ASTN2: variants seen among roughly 807,000 people sequenced by gnomAD.
ASTN2 encodes astrotactin 2, also known as astrotactin-2.
In ASTN2, 54 loss-of-function variants were observed where a neutral mutation model predicts 139.8. The observed-to-expected ratio is 0.39, with a 90% CI of 0.31 to 0.48. The LOEUF is 0.48. Ranked by LOEUF, ASTN2 falls within the 20% of genes least tolerant of loss-of-function variation. The probability of loss-of-function intolerance (pLI) is 0.95; values close to 1 mark genes in which losing one functional copy is unlikely to be tolerated. For synonymous variants in ASTN2, 756 were observed against 719.5 expected, an observed-to-expected ratio of 1.05 and a Z score of -0.81; for missense variants, 1,565 against 1,725.1, an observed-to-expected ratio of 0.91 and a Z score of 1.64.
intron 16 of ASTN2, among the ~76,000 whole-genome samples, chr9:116,712,316 C>T (rs1462361689): frequency 6.6e-6 from 1 of 152,158 alleles, no homozygotes; most frequent in Non-Finnish European, 1.5e-5. Context: ...GTGTTCATGC[C>T]ACACTTTATA....
At chr9:116,979,353 A>C (rs549321136) in intron 7 of ASTN2, among the ~76,000 whole-genome samples, 98 of 152,224 alleles carry the variant, frequency 6.4e-4, no homozygotes, top group Non-Finnish European at 1.2e-3. Context: ...ACAGGTAGGA[A>C]TGCTCTCTGT....
At chr9:117,240,241 A>T (rs960678944) in intron 2 of ASTN2, among the ~76,000 whole-genome samples, 1 of 152,188 alleles carries the variant, frequency 6.6e-6, no homozygotes, top group Non-Finnish European at 1.5e-5. Context: ...TTGGGATACC[A>T]TGTTCCTTGT....
In ASTN2 at chr9:116,474,157, G is replaced by A. The variant is rs950804054; in HGVS notation, c.3497+13202C>T. ...TAGTCTGACTCAAGACCCCATGCTC[G>A]TAGACTCTCAGATACCCAAGAGGAT... On this transcript the variant is annotated intron_variant, in intron 20 of 22. Coordinates refer to ENST00000313400, the MANE Select transcript of ASTN2 (RefSeq NM_001365068.1). 3.3e-5 allele frequency among the ~76,000 whole-genome samples: 5 copies of A among 152,232 alleles called. No individual in the cohort carries two copies. The South Asian group carries it at 6.2e-4, about 19-fold the overall frequency.
At chr9:116,452,927 C>T (rs1192049090) in intron 20 of ASTN2, among the ~76,000 whole-genome samples, 1 of 152,096 alleles carries the variant, frequency 6.6e-6, no homozygotes, top group African/African-American at 2.4e-5. Flanking sequence ...CACATCTGAC[C>T]CTAAAGCCCT....
intron 1 of ASTN2, among the ~76,000 whole-genome samples, chr9:117,394,281 T>C (rs1020325603): frequency 6.6e-5 from 10 of 152,352 alleles, no homozygotes; most frequent in Middle Eastern, 3.4e-3. Flanking sequence ...GGACACGTTC[T>C]ATGTCTATGT....
intron 10 of ASTN2, among the ~76,000 whole-genome samples, chr9:116,895,974 T>C (rs1312536147): frequency 1.3e-5 from 2 of 152,222 alleles, no homozygotes; most frequent in African/African-American, 4.8e-5. Flanking sequence ...ATAAATGCCA[T>C]TGAATTTAAA....
intron 3 of ASTN2, among the ~76,000 whole-genome samples, chr9:117,167,326 T>G (rs1431940623): frequency 6.6e-6 from 1 of 152,114 alleles, no homozygotes; most frequent in Non-Finnish European, 1.5e-5. Context: ...CAAAGAAAAG[T>G]GAAATCCATA....
intron 10 of ASTN2, among the ~76,000 whole-genome samples, chr9:116,970,052 A>G (rs916836291): frequency 2.0e-5 from 3 of 151,954 alleles, no homozygotes; most frequent in Non-Finnish European, 4.4e-5. Flanking sequence ...TGATTGCCTC[A>G]CTCCAGTCTC....
intron 5 of ASTN2, among the ~76,000 whole-genome samples, chr9:117,075,518 G>C (rs1828258504): frequency 6.6e-6 from 1 of 151,808 alleles, no homozygotes; most frequent in Admixed American, 6.6e-5. Flanking sequence ...GGAGGAGGAG[G>C]GGGCAGGCTG....
intron 3 of ASTN2, among the ~76,000 whole-genome samples, chr9:117,144,216 G>A (rs988358425): frequency 1.6e-4 from 24 of 152,102 alleles, no homozygotes; most frequent in African/African-American, 5.1e-4. Flanking sequence ...ACCAGAACTC[G>A]AACATGCTAG....
intron 10 of ASTN2, among the ~76,000 whole-genome samples, chr9:116,966,481 T>A (rs1457502251): frequency 6.6e-6 from 1 of 152,110 alleles, no homozygotes; most frequent in African/African-American, 2.4e-5. Context: ...TGCTGAACAA[T>A]GTTTGAAGAG....
chr9:117,271,110 C>T (rs922583570), intron 2 of ASTN2, among the ~76,000 whole-genome samples: 1 of 152,146 alleles, frequency 6.6e-6, no homozygotes, highest in African/African-American at 2.4e-5. Flanking sequence ...TTTTATGCTG[C>T]TGATAAAGAC....
At chr9:116,759,761 C>T (rs138698573) in intron 13 of ASTN2, among the ~76,000 whole-genome samples, 11 of 152,194 alleles carry the variant, frequency 7.2e-5, no homozygotes, top group African/African-American at 2.6e-4. Flanking sequence ...TTTCTCTCTG[C>T]TGCTGCCCCA....
At chr9:117,013,235 C>A (rs912553121) in intron 6 of ASTN2, among the ~76,000 whole-genome samples, 1 of 152,100 alleles carries the variant, frequency 6.6e-6, no homozygotes, top group East Asian at 1.9e-4. Context: ...TTTGGGAATA[C>A]AAACTACACA....
At chr9:116,548,725 C>T (rs1318871985) in intron 19 of ASTN2, among the ~76,000 whole-genome samples, 1 of 152,136 alleles carries the variant, frequency 6.6e-6, no homozygotes, top group Non-Finnish European at 1.5e-5. Context: ...CCACCGGCCT[C>T]AGCCTCCCAA....
At chr9:116,784,177 C>T (rs1180013010) in intron 13 of ASTN2, among the ~76,000 whole-genome samples, 1 of 152,146 alleles carries the variant, frequency 6.6e-6, no homozygotes, top group Non-Finnish European at 1.5e-5. Context: ...CTACTTAGCT[C>T]CGAAGTCTGT....
chr9:117,408,463 G>A (rs769031159), intron 1 of ASTN2, among the ~76,000 whole-genome samples: 3 of 152,074 alleles, frequency 2.0e-5, no homozygotes, highest in Non-Finnish European at 2.9e-5. Context: ...TCAAGAGGTC[G>A]CTGTCAGTCT....
intron 1 of ASTN2, among the ~76,000 whole-genome samples, chr9:117,345,430 C>T (rs1829185512): frequency 6.6e-6 from 1 of 152,154 alleles, no homozygotes; most frequent in Admixed American, 6.5e-5. Flanking sequence ...ACTCTAAGTG[C>T]TTCAGACATA....
chr9:117,347,325 T>C (rs546718311), intron 1 of ASTN2, among the ~76,000 whole-genome samples: 19 of 152,192 alleles, frequency 1.2e-4, no homozygotes, highest in African/African-American at 4.6e-4. Flanking sequence ...TAGATGGCTG[T>C]CAACAATGAG....
Sources: allele counts gnomAD v4.1 joint callset (sites outside exome capture counted in the v4.1 genomes callset), GRCh38; gene constraint gnomAD v4.1.1; transcripts MANE v1.5; gene names NCBI Gene and HGNC (gene_info 2026-07-23, HGNC 2026-07-21).